The following SLC13A1 variants were observed in gnomAD, a reference collection of about 807,000 sequenced individuals.
SLC13A1 encodes the protein solute carrier family 13 member 1.
Under a neutral mutation model 70.0 loss-of-function variants are expected in SLC13A1, and 65 were observed. The observed-to-expected ratio is 0.93, with a 90% confidence interval of 0.76 to 1.14. The LOEUF (loss-of-function observed/expected upper bound fraction) is 1.14, where lower values mean the gene tolerates loss of function less well. SLC13A1 is among the 50% of genes most tolerant of loss of function. The pLI, the probability that SLC13A1 is intolerant of heterozygous loss-of-function variation, is 0.00. For synonymous variants in SLC13A1, 275 were observed against 250.5 expected (o/e 1.10, Z -0.92); for missense variants, 726 against 717.8 (o/e 1.01, Z -0.13).
In SLC13A1 at chr7:123,134,168, T is replaced by C. The variant is rs1054576064; in HGVS notation, c.932+242A>G. 5.3e-5 allele frequency among the ~76,000 whole-genome samples: 8 copies of C among 152,154 alleles called. No individual in the cohort carries two copies. The East Asian group carries it at 1.5e-3, about 29-fold the overall frequency. On this transcript the variant is annotated intron_variant, in intron 8 of 14. Transcript: ENST00000194130. Reference sequence around the variant, plus strand: ...TTGGCCTTTCAAAGTGCTGGGATTATAGGCATGAGCCACCGCAGCTGGCCC... The same window carrying C: ...TTGGCCTTTCAAAGTGCTGGGATTACAGGCATGAGCCACCGCAGCTGGCCC...
chr7:123,135,526 A>G (rs1793923194), intron 7 of SLC13A1, among the ~76,000 whole-genome samples: 1 of 152,156 alleles, frequency 6.6e-6, no homozygotes, highest in South Asian at 2.1e-4. Flanking sequence ...GAAGTCATAA[A>G]ATATGTAGAA....
intron 13 of SLC13A1, 75 bp downstream of exon 13, chr7:123,119,006 A>T: frequency 7.4e-7 from 1 of 1,357,914 alleles, no homozygotes; most frequent in Middle Eastern, 1.9e-4. Context: ...TCCATACCAC[A>T]ACATGAAAAC....
At chr7:123,193,241 G>A (rs1446910149) in intron 1 of SLC13A1, among the ~76,000 whole-genome samples, 1 of 152,108 alleles carries the variant, frequency 6.6e-6, no homozygotes, top group African/African-American at 2.4e-5. Flanking sequence ...AGTATCTCAG[G>A]TGAATCTGGG....
chr7:123,199,280 A>T (rs1361268290), intron 1 of SLC13A1, among the ~76,000 whole-genome samples: 2 of 152,144 alleles, frequency 1.3e-5, no homozygotes, highest in African/African-American at 4.8e-5. Flanking sequence ...AAAACCTGGA[A>T]TTATCAGAAC....
chr7:123,117,511 G>A lies in SLC13A1; in HGVS notation c.1610C>T (p.Ala537Val). 6.2e-7 allele frequency: 1 copy of A among 1,613,458 alleles called. No homozygotes were observed. Among genetic ancestry groups the A allele is most frequent in the South Asian group, 1.1e-5 (1 of 91,052 alleles). Residue 537 changes from alanine (A) to valine (V), a missense_variant, in exon 14 of 15, where the codon GCT becomes GTT. Transcript: ENST00000194130. ...FLLPVANPPN[A>V]IVFSYGHLKV... ...CAGATGACCATATGAAAAGACAATAGCATTGGGTGGATTTGCTACTGGTAG... is the reference window on the plus strand; with the variant it reads ...CAGATGACCATATGAAAAGACAATAACATTGGGTGGATTTGCTACTGGTAG...
In SLC13A1 at chr7:123,180,120, G is replaced by C. The variant is rs547397247; in HGVS notation, c.228+853C>G. Among the ~76,000 whole-genome samples the C allele has an allele frequency of 3.3e-5, 5 of 152,158 alleles. No individual in the cohort carries two copies. The South Asian group carries it at 8.3e-4, about 25-fold the overall frequency. On this transcript the variant is annotated intron_variant, in intron 2 of 14. Transcript: ENST00000194130. ...GAGGGGAAAACCCAGTAAGAAAAGA[G>C]GATCAGGGAGGATAAAAAGTGCAAA...
intron 3 of SLC13A1, among the ~76,000 whole-genome samples, chr7:123,170,323 G>A (rs995811305): frequency 6.6e-6 from 1 of 152,086 alleles, no homozygotes; most frequent in Non-Finnish European, 1.5e-5. Context: ...CGCAATAAAT[G>A]GTTCTTCTAA....
At chr7:123,161,678 C>T (rs1022067397) in intron 6 of SLC13A1, among the ~76,000 whole-genome samples, 1 of 152,110 alleles carries the variant, frequency 6.6e-6, no homozygotes, top group African/African-American at 2.4e-5. Context: ...CTATACCAGC[C>T]TATTTCTATC....
intron 7 of SLC13A1, among the ~76,000 whole-genome samples, chr7:123,144,040 T>C (rs1002290183): frequency 1.2e-4 from 18 of 152,034 alleles, no homozygotes; most frequent in African/African-American, 4.3e-4. Flanking sequence ...GAATAAAACC[T>C]AGGAAATGGA....
intron 1 of SLC13A1, among the ~76,000 whole-genome samples, chr7:123,188,707 C>T (rs1327773845): frequency 6.6e-6 from 1 of 152,014 alleles, no homozygotes; most frequent in African/African-American, 2.4e-5. Flanking sequence ...TTCTTAGTCT[C>T]TGGCTTGTCT....
chr7:123,151,322 C>T (rs926576176), intron 6 of SLC13A1, among the ~76,000 whole-genome samples: 2 of 151,532 alleles, frequency 1.3e-5, no homozygotes, highest in Non-Finnish European at 2.9e-5. Flanking sequence ...TAGAGCAAGA[C>T]CCGTCTCAAA....
At chr7:123,187,647 GT>G (rs1219482186) in intron 1 of SLC13A1, among the ~76,000 whole-genome samples, 1 of 151,972 alleles carries the variant, frequency 6.6e-6, no homozygotes, top group East Asian at 1.9e-4. Flanking sequence ...ATAACAAGTG[GT>G]TTTAAAATTA....
At chr7:123,178,107 C>T (rs899882564) in intron 2 of SLC13A1, among the ~76,000 whole-genome samples, 23 of 151,082 alleles carry the variant, frequency 1.5e-4, no homozygotes, top group Middle Eastern at 3.4e-3. Context: ...TAAATATTTT[C>T]GATGATAATA....
At chr7:123,131,215 A>G (rs904911235) in intron 8 of SLC13A1, among the ~76,000 whole-genome samples, 17 of 152,178 alleles carry the variant, frequency 1.1e-4, no homozygotes, top group African/African-American at 3.1e-4. Context: ...GCTTTTTACA[A>G]TCTCAGTTAA....
rs549563342 is a variant in SLC13A1, at chr7:123,115,533, A to C, written c.1773T>G (p.Asn591Lys). 6.2e-7 allele frequency: 1 copy of C among 1,612,852 alleles called. No homozygotes were observed. The highest frequency in any genetic ancestry group is 8.5e-7 in the Non-Finnish European group (1 of 1,179,084). Residue 591 changes from asparagine (N) to lysine (K), a missense_variant, in exon 15 of 15, where the codon AAT becomes AAG. Coordinates refer to ENST00000194130, the MANE Select transcript of SLC13A1 (RefSeq NM_022444.4). ...TTTGTGCTTATTATGGCATGGTCTCATTACTCATAGCAGGAGCCCACGAAG... is the reference window on the plus strand; with the variant it reads ...TTTGTGCTTATTATGGCATGGTCTCCTTACTCATAGCAGGAGCCCACGAAG... ...TYPSWAPAMS[N>K]ETMP is the part of the protein sequence containing the mutation.
In SLC13A1 at chr7:123,125,612, G is replaced by A. The variant is rs771725654; in HGVS notation, c.1197C>T (p.Ile399=). Residue 399 remains isoleucine, a synonymous_variant, in exon 11 of 15, where the codon ATC becomes ATT. Coordinates refer to ENST00000194130, the MANE Select transcript of SLC13A1 (RefSeq NM_022444.4). ...TAGTTTTAGTCAGTGTCTTAGCTGG[G>A]ATAAGAAAGAATAGCAGCCCTATAA... is the stretch of plus-strand genomic sequence containing the variant. The part of the protein sequence containing the change: ...ALLIGLLFFL[I]PAKTLTKTTP... 56 of 1,613,050 alleles carry A rather than the reference G, an allele frequency of 3.5e-5. No homozygotes were observed. Among genetic ancestry groups the A allele is most frequent in the Middle Eastern group, 3.3e-4 (2 of 6,074 alleles).
chr7:123,158,987 T>C (rs1200075824), intron 6 of SLC13A1, among the ~76,000 whole-genome samples: 1 of 151,864 alleles, frequency 6.6e-6, no homozygotes, highest in African/African-American at 2.4e-5. Flanking sequence ...CAAAATACAA[T>C]GGTGAACAAA....
chr7:123,185,709 A>C (rs1795775261), intron 1 of SLC13A1, among the ~76,000 whole-genome samples: 1 of 152,040 alleles, frequency 6.6e-6, no homozygotes, highest in Non-Finnish European at 1.5e-5. Context: ...GAAATCAGGT[A>C]GTGTGATGCC....
intron 1 of SLC13A1, among the ~76,000 whole-genome samples, chr7:123,194,979 T>C (rs1796131736): frequency 6.6e-6 from 1 of 152,154 alleles, no homozygotes; most frequent in Non-Finnish European, 1.5e-5. Flanking sequence ...TTATTCGGCA[T>C]GTGTTTAGGT....
Sources: gnomAD v4.1 joint callset for allele counts (sites outside exome capture counted in the v4.1 genomes callset) on GRCh38, gnomAD v4.1.1 for gene constraint, MANE v1.5 for transcripts, NCBI Gene and HGNC (gene_info 2026-07-23, HGNC 2026-07-21) for gene names.